The following DGKG variants were observed in gnomAD, a reference collection of about 807,000 sequenced individuals.
DGKG encodes diacylglycerol kinase gamma, also known as DAG kinase gamma.
A neutral mutation model predicts 105.3 loss-of-function variants in DGKG; 78 were observed. The ratio of observed to expected loss-of-function variants is 0.74; its 90% confidence interval spans 0.62 to 0.89. DGKG has a LOEUF of 0.89. Ranked by LOEUF, DGKG falls within the 40% of genes least tolerant of loss-of-function variation. The pLI is 0.00. For missense variants in DGKG, 958 were observed against 1,020.1 expected, an observed-to-expected ratio of 0.94 and a Z score of 0.83; for synonymous variants, 346 against 367.1, an observed-to-expected ratio of 0.94 and a Z score of 0.66.
At chr3:186,246,349 T>C (rs1720939452) in intron 19 of DGKG, among the ~76,000 whole-genome samples, 2 of 152,248 alleles carry the variant, frequency 1.3e-5, no homozygotes, top group African/African-American at 4.8e-5. Flanking sequence ...AGAATAATTA[T>C]TGAGACATTA....
chr3:186,329,872 T>C (rs969922553), intron 1 of DGKG, among the ~76,000 whole-genome samples: 2 of 152,248 alleles, frequency 1.3e-5, no homozygotes, highest in African/African-American at 4.8e-5. Context: ...TTTACTGCAG[T>C]GCATGTACTT....
chr3:186,234,219 T>A (rs528703738), intron 20 of DGKG, among the ~76,000 whole-genome samples: 2 of 152,318 alleles, frequency 1.3e-5, no homozygotes, highest in African/African-American at 4.8e-5. Flanking sequence ...AATGATCACT[T>A]CTCTCTAAGG....
chr3:186,190,622 A>T (rs1478741019), intron 21 of DGKG, among the ~76,000 whole-genome samples: 1 of 152,154 alleles, frequency 6.6e-6, no homozygotes, highest in African/African-American at 2.4e-5. Flanking sequence ...TCATCTCATG[A>T]TCTATTTTTC....
At chr3:186,220,522 G>A (rs369846872) in intron 20 of DGKG, among the ~76,000 whole-genome samples, 1 of 152,186 alleles carries the variant, frequency 6.6e-6, no homozygotes, top group East Asian at 1.9e-4. Context: ...GAGAGAAATG[G>A]AAAAGTCAAC....
chr3:186,171,595 C>G (rs1309682342), intron 22 of DGKG, among the ~76,000 whole-genome samples: 1 of 152,078 alleles, frequency 6.6e-6, no homozygotes, highest in Non-Finnish European at 1.5e-5. Context: ...AGAATAGAGA[C>G]AAGAAAAAAT....
chr3:186,305,388 C>G (rs973191116), intron 3 of DGKG, among the ~76,000 whole-genome samples: 1 of 152,162 alleles, frequency 6.6e-6, no homozygotes, highest in Non-Finnish European at 1.5e-5. Context: ...TACGGTGACA[C>G]TGGCTTATTT....
At chr3:186,153,218 C>T (rs1382016232) in intron 24 of DGKG, among the ~76,000 whole-genome samples, 1 of 152,078 alleles carries the variant, frequency 6.6e-6, no homozygotes, top group Non-Finnish European at 1.5e-5. Flanking sequence ...AGTATGAAAT[C>T]ATATCCTCAT....
At chr3:186,242,075 C>T (rs1229513808) in intron 20 of DGKG, among the ~76,000 whole-genome samples, 1 of 152,184 alleles carries the variant, frequency 6.6e-6, no homozygotes, top group Non-Finnish European at 1.5e-5. Flanking sequence ...GCCACCTCCT[C>T]CCATTTGAGA....
chr3:186,287,810 G>A (rs1335205343), intron 6 of DGKG, among the ~76,000 whole-genome samples: 3 of 152,144 alleles, frequency 2.0e-5, no homozygotes, highest in Non-Finnish European at 2.9e-5. Flanking sequence ...TTAGCCTTTG[G>A]CAGACTTCCC....
chr3:186,334,532 G>A lies in DGKG; in HGVS notation c.-248-13825C>T, dbSNP rs35854077. Among the ~76,000 whole-genome samples, 990 of 152,318 alleles carry A rather than the reference G, an allele frequency of 6.5e-3. 4 individuals are homozygous for A. Among genetic ancestry groups the A allele is most frequent in the Non-Finnish European group, 0.011 (747 of 68,032 alleles). ...TAGAGGTGCATACACCTCATGCCTA[G>A]CCCAGACAATATGTCCCTGGATGGC... On this transcript the variant is annotated intron_variant, in intron 1 of 24. Transcript: ENST00000265022.
At chr3:186,258,938 T>G (rs1381404196) in intron 16 of DGKG, among the ~76,000 whole-genome samples, 2 of 152,162 alleles carry the variant, frequency 1.3e-5, no homozygotes, top group African/African-American at 4.8e-5. Flanking sequence ...TGCTTTAGAA[T>G]GAATGTGCCC....
At chr3:186,176,001 G>A (rs73066189) in intron 22 of DGKG, among the ~76,000 whole-genome samples, 13,533 of 152,120 alleles carry the variant, frequency 0.089, 733 homozygotes, top group Middle Eastern at 0.26. Flanking sequence ...ACCAAGGCCC[G>A]ATTCAAAAAA....
At chr3:186,150,727 CTCTTT>C (rs1302035996) in intron 24 of DGKG, among the ~76,000 whole-genome samples, 1 of 152,204 alleles carries the variant, frequency 6.6e-6, no homozygotes, top group African/African-American at 2.4e-5. Context: ...TATGTATTTC[CTCTTT>C]TCTTGGCCTT....
At chr3:186,356,597 T>G (rs2108679782) in intron 1 of DGKG, among the ~76,000 whole-genome samples, 1 of 152,322 alleles carries the variant, frequency 6.6e-6, no homozygotes, top group East Asian at 1.9e-4. Context: ...GGTGGTAATT[T>G]CAGTCTTCTC....
intron 7 of DGKG, among the ~76,000 whole-genome samples, chr3:186,281,705 G>A (rs192419790): frequency 6.6e-6 from 1 of 152,330 alleles, no homozygotes; most frequent in East Asian, 1.9e-4. Context: ...GGGCACAAAG[G>A]TGGGGAAAGG....
At chr3:186,312,609 G>A (rs988379364) in intron 2 of DGKG, among the ~76,000 whole-genome samples, 1 of 152,206 alleles carries the variant, frequency 6.6e-6, no homozygotes, top group African/African-American at 2.4e-5. Flanking sequence ...TCACTGAGAC[G>A]AGGGGAAGGG....
At chr3:186,330,727 C>T (rs1321917188) in intron 1 of DGKG, among the ~76,000 whole-genome samples, 1 of 152,194 alleles carries the variant, frequency 6.6e-6, no homozygotes, top group African/African-American at 2.4e-5. Flanking sequence ...AGCCAGCACC[C>T]AGTCATCTAA....
chr3:186,302,761 G>T (rs909391197), intron 3 of DGKG, among the ~76,000 whole-genome samples: 8 of 151,880 alleles, frequency 5.3e-5, no homozygotes, highest in Non-Finnish European at 8.8e-5. Context: ...TAAAGATATT[G>T]AAATAATTGC....
At chr3:186,236,751 T>C (rs1255695138) in intron 20 of DGKG, among the ~76,000 whole-genome samples, 1 of 152,238 alleles carries the variant, frequency 6.6e-6, no homozygotes, top group Non-Finnish European at 1.5e-5. Flanking sequence ...AGAAAGGTGG[T>C]CAGCTTCTAG....
Sources: allele counts gnomAD v4.1 joint callset (sites outside exome capture counted in the v4.1 genomes callset), GRCh38; gene constraint gnomAD v4.1.1; transcripts MANE v1.5; gene names NCBI Gene and HGNC (gene_info 2026-07-23, HGNC 2026-07-21).